The following PCDHGA3 variants were observed in gnomAD, a reference collection of about 807,000 sequenced individuals.
PCDHGA3 encodes protocadherin gamma-A3.
A neutral mutation model predicts 58.5 loss-of-function variants in PCDHGA3; 40 were observed. The ratio of observed to expected loss-of-function variants is 0.68; its 90% CI spans 0.53 to 0.89. PCDHGA3 has a LOEUF of 0.89. Among genes scored for constraint, PCDHGA3 ranks in the 40% least tolerant of loss-of-function variants. PCDHGA3 has a pLI of 0.00. For synonymous variants in PCDHGA3, 530 were observed against 525.7 expected (o/e 1.01, Z -0.11); for missense variants, 1,223 against 1,195.9 (o/e 1.02, Z -0.33).
At chr5:141,510,810 A>G (rs1455434913) in intron 3 of PCDHGA3, 137 bp from the exon 4 acceptor site, 19 of 1,519,650 alleles carry the variant, frequency 1.3e-5, no homozygotes, top group Admixed American at 2.0e-5. Flanking sequence ...TACCTTGGTG[A>G]CCCCTATATT....
intron 1 of PCDHGA3, chr5:141,377,207 A>T (rs1170353646): frequency 6.6e-6 from 1 of 152,122 alleles, no homozygotes; most frequent in Non-Finnish European, 1.5e-5. Context: ...GATTGAGTAC[A>T]TCTCGTTTCT....
At chr5:141,482,999 T>G (rs1031397558) in intron 1 of PCDHGA3, among the ~76,000 whole-genome samples, 3 of 151,950 alleles carry the variant, frequency 2.0e-5, no homozygotes, top group Non-Finnish European at 2.9e-5. Flanking sequence ...GCAGGAGAAT[T>G]GCTTGAACCC....
chr5:141,366,977 A>G, intron 1 of PCDHGA3: 1 of 540,714 alleles, frequency 1.8e-6, no homozygotes, highest in Non-Finnish European at 3.1e-6. Context: ...AATACCTTAA[A>G]GGAAAGTGGT....
rs529565659 is a variant in PCDHGA3, at chr5:141,353,974, T to C, written c.2424+7517T>C. 7.9e-5 allele frequency among the ~76,000 whole-genome samples: 12 copies of C among 152,368 alleles called. 1 individual carries two copies. The East Asian group carries it at 2.3e-3, about 29-fold the overall frequency. On this transcript the variant is annotated intron_variant, in intron 1 of 3. Transcript: ENST00000253812. ...GGAATAAGCTTAAGAACTGATGTAC[T>C]GCTTTATCTCAAATTTTCACAGATT...
At chr5:141,383,534 T>C in intron 1 of PCDHGA3, 6 of 1,612,436 alleles carry the variant, frequency 3.7e-6, no homozygotes, top group Non-Finnish European at 5.1e-6. Context: ...CACCTGGTCC[T>C]CACAGCCTCT....
chr5:141,454,675 G>A (rs973403044), intron 1 of PCDHGA3, among the ~76,000 whole-genome samples: 8 of 151,764 alleles, frequency 5.3e-5, no homozygotes, highest in Non-Finnish European at 1.0e-4. Context: ...CAAAACACTG[G>A]GATTACAGGC....
intron 1 of PCDHGA3, chr5:141,362,058 C>G: frequency 6.2e-7 from 1 of 1,612,152 alleles, no homozygotes. Context: ...CCCGCCAGCG[C>G]CTGCTGGTCG....
chr5:141,348,051 T>C (rs1758056704), intron 1 of PCDHGA3, among the ~76,000 whole-genome samples: 1 of 152,232 alleles, frequency 6.6e-6, no homozygotes, highest in Non-Finnish European at 1.5e-5. Flanking sequence ...TAGAAGTCCC[T>C]TCTTTTGTCA....
chr5:141,374,153 T>TG (rs1373211276), intron 1 of PCDHGA3: 5 of 1,612,056 alleles, frequency 3.1e-6, no homozygotes, highest in African/African-American at 2.7e-5. Flanking sequence ...GGGGACGCTG[T>TG]GGGGGGCCGC....
At position 141,485,144 on chromosome 5, in the gene PCDHGA3, G is replaced by A; in HGVS notation, c.2425-9663G>A. 6.4e-7 allele frequency: 1 copy of A among 1,564,192 alleles called. No homozygotes were observed. The highest frequency in any genetic ancestry group is 1.7e-5 in the Admixed American group (1 of 59,326). On this transcript the variant is annotated intron_variant, in intron 1 of 3. Transcript: ENST00000253812. This position sits in a 1 kb window ranked among gnomAD's most constrained non-coding sequence, Gnocchi z 5.7. ...CGGGTCGGCTTCATCCGCGTCTCAG[G>A]AGCAAGTAGAGAATTAGCGGGCGGC...
intron 1 of PCDHGA3, chr5:141,414,754 G>A: frequency 6.2e-7 from 1 of 1,614,190 alleles, no homozygotes; most frequent in Non-Finnish European, 8.5e-7. Flanking sequence ...CTTCGACTAT[G>A]AGCAGTTTCA....
chr5:141,428,557 C>T (rs2097147196), intron 1 of PCDHGA3: 2 of 242,520 alleles, frequency 8.2e-6, no homozygotes, highest in Non-Finnish European at 1.6e-5. Context: ...AACAGTCCCC[C>T]CACAAGATCT....
chr5:141,382,825 G>C, intron 1 of PCDHGA3: 1 of 1,337,416 alleles, frequency 7.5e-7, no homozygotes, highest in Non-Finnish European at 1.0e-6. Flanking sequence ...CTAAGACAGA[G>C]GGGTCCACCC....
At chr5:141,350,579 G>C (rs1172761775) in intron 1 of PCDHGA3, 4 of 1,613,906 alleles carry the variant, frequency 2.5e-6, no homozygotes, top group South Asian at 2.2e-5. Flanking sequence ...CGAAACGGTC[G>C]CTGAAAACCC....
intron 1 of PCDHGA3, among the ~76,000 whole-genome samples, chr5:141,349,195 G>A (rs1343886266): frequency 6.6e-5 from 10 of 151,902 alleles, no homozygotes; most frequent in African/African-American, 1.9e-4. Flanking sequence ...TCAACCTCCC[G>A]AGTAGCTGGC....
At chr5:141,366,995 A>T in intron 1 of PCDHGA3, 2 of 462,060 alleles carry the variant, frequency 4.3e-6, no homozygotes, top group Non-Finnish European at 3.7e-6. Context: ...GGTTAAATAT[A>T]ATCATTTTAC....
rs922668811 is a variant in PCDHGA3 at position 141,432,984 on chromosome 5, G to A, written c.2425-61823G>A. On this transcript the variant is annotated intron_variant, in intron 1 of 3. Transcript: ENST00000253812. This position sits in a 1 kb window ranked among gnomAD's most constrained non-coding sequence, Gnocchi z 6.0. ...GGAGCGCCGGCGTCGCACTTTGTGG[G>A]CGTGGACGGGGTGCAGGCTTTCCTG... 1.9e-6 allele frequency: 3 copies of A among 1,614,214 alleles called. No individual in the cohort carries two copies. Among genetic ancestry groups the A allele is most frequent in the Admixed American group, 1.7e-5 (1 of 60,028 alleles).
At chr5:141,372,359 A>T in intron 1 of PCDHGA3, 1 of 1,613,954 alleles carries the variant, frequency 6.2e-7, no homozygotes, top group Non-Finnish European at 8.5e-7. Flanking sequence ...AGCCTCTTTC[A>T]GCCACCGTCA....
intron 1 of PCDHGA3, chr5:141,390,294 TA>T: frequency 6.2e-7 from 1 of 1,613,956 alleles, no homozygotes; most frequent in South Asian, 1.1e-5. Flanking sequence ...GAGTTTCCTT[TA>T]AGTATAATTT....
Sources: allele counts gnomAD v4.1 joint callset (sites outside exome capture counted in the v4.1 genomes callset), GRCh38; gene constraint gnomAD v4.1.1; non-coding constraint Gnocchi (gnomAD v3.1); transcripts MANE v1.5; gene names NCBI Gene and HGNC (gene_info 2026-07-23, HGNC 2026-07-21).